The following CNIH3 variants were observed in gnomAD, a reference collection of about 807,000 sequenced individuals.
CNIH3 encodes protein cornichon homolog 3.
CNIH3 carries 14 observed loss-of-function variants against 24.1 expected under a neutral mutation model. The observed-to-expected ratio is 0.58, with a 90% CI of 0.38 to 0.91. The LOEUF (loss-of-function observed/expected upper bound fraction) is 0.91, where lower values mean the gene tolerates loss of function less well. CNIH3 is among the 40% of genes least tolerant of loss of function. CNIH3 has a pLI of 0.00. For synonymous variants in CNIH3, 68 were observed against 73.8 expected (o/e 0.92, Z 0.40); for missense variants, 178 against 196.8 (o/e 0.90, Z 0.57).
intron 3 of CNIH3, among the ~76,000 whole-genome samples, chr1:224,559,208 G>A (rs1680263069): frequency 6.6e-6 from 1 of 152,076 alleles, no homozygotes; most frequent in Non-Finnish European, 1.5e-5. Context: ...TACTGTTTGG[G>A]TTCTAGGCAG....
intron 1 of CNIH3, among the ~76,000 whole-genome samples, chr1:224,622,742 T>C (rs1683339904): frequency 6.6e-6 from 1 of 152,244 alleles, no homozygotes; most frequent in African/African-American, 2.4e-5. Flanking sequence ...GCCAGGCAAT[T>C]GGAGCTCTTG....
At chr1:224,481,714 C>A (rs981883420) in intron 1 of CNIH3, among the ~76,000 whole-genome samples, 1 of 152,192 alleles carries the variant, frequency 6.6e-6, no homozygotes, top group Non-Finnish European at 1.5e-5. Flanking sequence ...AGCCAGCACA[C>A]CACTGGGTCT....
At chr1:224,638,729 C>T (rs1684213772) in intron 1 of CNIH3, among the ~76,000 whole-genome samples, 2 of 152,148 alleles carry the variant, frequency 1.3e-5, no homozygotes. Context: ...AAGCACTGGC[C>T]ACGGGATCTC....
chr1:224,647,056 G>A (rs1334135189), intron 1 of CNIH3, among the ~76,000 whole-genome samples: 2 of 151,946 alleles, frequency 1.3e-5, no homozygotes, highest in African/African-American at 2.4e-5. Flanking sequence ...GTGCAGTCTC[G>A]GCTCGCTGCA....
intron 2 of CNIH3, among the ~76,000 whole-genome samples, chr1:224,531,286 C>G (rs1161659583): frequency 3.9e-5 from 6 of 152,196 alleles, no homozygotes; most frequent in African/African-American, 1.2e-4. Context: ...CTCATGAAGC[C>G]TGGAACTCCA....
At chr1:224,478,194 T>G (rs1676661324) in intron 1 of CNIH3, among the ~76,000 whole-genome samples, 1 of 152,196 alleles carries the variant, frequency 6.6e-6, no homozygotes, top group South Asian at 2.1e-4. Context: ...TTGAATATTG[T>G]TATCTTTCTC....
intron 5 of CNIH3, among the ~76,000 whole-genome samples, chr1:224,586,681 C>T (rs998103669): frequency 6.6e-6 from 1 of 152,126 alleles, no homozygotes; most frequent in African/African-American, 2.4e-5. Context: ...CAGAATGTAA[C>T]CTTATTTGGA....
intron 1 of CNIH3, among the ~76,000 whole-genome samples, chr1:224,506,993 A>G (rs772176498): frequency 6.6e-6 from 1 of 152,028 alleles, no homozygotes; most frequent in Non-Finnish European, 1.5e-5. Context: ...CCTTCTGAGT[A>G]GCTGGGACCA....
chr1:224,632,102 A>G (rs960256194), intron 1 of CNIH3, among the ~76,000 whole-genome samples: 19 of 152,200 alleles, frequency 1.2e-4, no homozygotes, highest in Non-Finnish European at 5.9e-5. Context: ...GGGCCAGGAA[A>G]TAAGGGGAGA....
chr1:224,671,199 C>T (rs1010550791), intron 1 of CNIH3, among the ~76,000 whole-genome samples: 1 of 152,220 alleles, frequency 6.6e-6, no homozygotes, highest in Non-Finnish European at 1.5e-5. Flanking sequence ...CTACACACAT[C>T]CTGTTGGTTC....
At chr1:224,529,481 A>G (rs1446849423) in intron 2 of CNIH3, 2 of 152,182 alleles carry the variant, frequency 1.3e-5, no homozygotes, top group African/African-American at 2.4e-5. Flanking sequence ...GGGGGTTTTG[A>G]TGTGACACAA....
intron 1 of CNIH3, among the ~76,000 whole-genome samples, chr1:224,516,083 G>T (rs1216290567): frequency 1.3e-5 from 2 of 152,048 alleles, no homozygotes; most frequent in African/African-American, 4.8e-5. Context: ...TTGGGAGGCC[G>T]AGGTGGGCAG....
At chr1:224,506,305 G>A (rs1407841997) in intron 1 of CNIH3, among the ~76,000 whole-genome samples, 4 of 130,062 alleles carry the variant, frequency 3.1e-5, no homozygotes, top group Non-Finnish European at 5.0e-5. Context: ...ACACACACAC[G>A]GTCACTCCTC....
intron 3 of CNIH3, among the ~76,000 whole-genome samples, chr1:224,600,563 T>G (rs2125040672): frequency 6.6e-6 from 1 of 152,254 alleles, no homozygotes; most frequent in East Asian, 1.9e-4. Flanking sequence ...CAGTGGCTAT[T>G]CACAGGCACA....
chr1:224,513,792 C>G (rs1678267209), upstream of CNIH3: 1 of 152,234 alleles, frequency 6.6e-6, no homozygotes. Context: ...TGCGTTTTTG[C>G]AAGACTGCGC....
chr1:224,442,013 ATTTTTTTTTTTT>A (rs1167622615), intron 1 of CNIH3, among the ~76,000 whole-genome samples: 4 of 119,996 alleles, frequency 3.3e-5, no homozygotes, highest in African/African-American at 6.4e-5. Flanking sequence ...GATTCCCTTA[ATTTTTTTTTTTT>A]TTTTTTTTTT....
At chr1:224,434,729 G>T in exon 1 of CNIH3, 1 of 984,288 alleles carries the variant, frequency 1.0e-6, no homozygotes, top group Non-Finnish European at 1.2e-6. Context: ...GGCAGCTGCC[G>T]CCTCTGTCCT....
Position 224,660,343 on chromosome 1 carries a change from A to G in CNIH3, c.82-20615A>G, listed in dbSNP as rs551712724. On this transcript the variant is annotated intron_variant, in intron 1 of 5. Coordinates refer to ENST00000272133, the MANE Select transcript of CNIH3 (RefSeq NM_152495.2). ...TGATGGAAATCACCCCCATAATTCA[A>G]TGATCTCCCACTGGGTCCCTCCCAC... Among the ~76,000 whole-genome samples the G allele has an allele frequency of 5.8e-3, 887 of 152,254 alleles. 8 individuals are homozygous for G. Among genetic ancestry groups the G allele is most frequent in the African/African-American group, 0.02 (821 of 41,554 alleles).
In CNIH3 at chr1:224,501,716, G is replaced by T. The variant is rs558017102; in HGVS notation, n.204-14025G>T. Among the ~76,000 whole-genome samples, 3 of 152,046 alleles carry T rather than the reference G, an allele frequency of 2.0e-5. 1 individual carries two copies. The South Asian group carries it at 6.3e-4, about 32-fold the overall frequency. On this transcript the variant is annotated intron_variant and non_coding_transcript_variant, in intron 1 of 5. Coordinates refer to the CNIH3 transcript ENST00000471578. Reference sequence around the variant, plus strand: ...CTGTCTCAGCCTCTGGAGTAGCTGGGATTACAGGTGCGTGCCACCACGCCC... The same window carrying T: ...CTGTCTCAGCCTCTGGAGTAGCTGGTATTACAGGTGCGTGCCACCACGCCC...
Sources: gnomAD v4.1 joint callset for allele counts (sites outside exome capture counted in the v4.1 genomes callset) on GRCh38, gnomAD v4.1.1 for gene constraint, MANE v1.5 for transcripts, NCBI Gene and HGNC (gene_info 2026-07-23, HGNC 2026-07-21) for gene names.